The following TRIM2 variants were observed in gnomAD, a reference collection of about 807,000 sequenced individuals.
The protein encoded by TRIM2 is tripartite motif containing 2.
TRIM2 carries 20 observed loss-of-function variants against 75.2 expected under a neutral mutation model. The ratio of observed to expected loss-of-function variants is 0.27; its 90% confidence interval spans 0.19 to 0.39. The LOEUF is 0.39. TRIM2 is among the 10% of genes least tolerant of loss of function. The pLI, the probability that TRIM2 is intolerant of heterozygous loss-of-function variation, is 1.00. For missense variants in TRIM2, 660 were observed against 990.8 expected (o/e 0.67, Z 4.48); for synonymous variants, 373 against 388.3 (o/e 0.96, Z 0.46).
At chr4:153,204,811 G>T (rs988889799) in intron 1 of TRIM2, among the ~76,000 whole-genome samples, 6 of 152,156 alleles carry the variant, frequency 3.9e-5, no homozygotes, top group African/African-American at 1.4e-4. Flanking sequence ...AAAGCAACAT[G>T]AATGTGGCAA....
chr4:153,324,307 C>T (rs1769664228), intron 10 of TRIM2, 159 bp downstream of exon 10: 8 of 523,236 alleles, frequency 1.5e-5, no homozygotes, highest in Non-Finnish European at 2.6e-5. Context: ...CTTGGACTTA[C>T]AGACCTTGGA....
chr4:153,285,938 A>G (rs572388835), intron 3 of TRIM2, among the ~76,000 whole-genome samples: 1 of 152,272 alleles, frequency 6.6e-6, no homozygotes, highest in African/African-American at 2.4e-5. Flanking sequence ...ATAAGAGTGA[A>G]TATCCTCTTG....
At chr4:153,308,035 T>G in intron 6 of TRIM2, 1 of 775,830 alleles carries the variant, frequency 1.3e-6, no homozygotes, top group African/African-American at 1.7e-5. Context: ...TCTTTCTTGA[T>G]GCTCTCCAAC....
At chr4:153,209,095 G>A (rs1478509568) in intron 1 of TRIM2, among the ~76,000 whole-genome samples, 11 of 152,166 alleles carry the variant, frequency 7.2e-5, no homozygotes, top group Non-Finnish European at 1.5e-4. Context: ...CTAACACAGC[G>A]GAATCAGGAA....
chr4:153,314,288 C>T (rs553392838), intron 6 of TRIM2, among the ~76,000 whole-genome samples: 4 of 145,612 alleles, frequency 2.7e-5, no homozygotes, highest in South Asian at 2.1e-4. Flanking sequence ...GGCGTAGTGG[C>T]GGGCGCCTGT....
At chr4:153,239,063 ACT>A (rs1248963183) in intron 1 of TRIM2, among the ~76,000 whole-genome samples, 1 of 152,014 alleles carries the variant, frequency 6.6e-6, no homozygotes, top group Non-Finnish European at 1.5e-5. Flanking sequence ...TTAGAAAATA[ACT>A]CTGGCGGCCG....
chr4:153,185,373 C>G (rs1454967792), intron 1 of TRIM2, among the ~76,000 whole-genome samples: 1 of 152,108 alleles, frequency 6.6e-6, no homozygotes, highest in East Asian at 1.9e-4. Flanking sequence ...TTTTGATTTT[C>G]ACTGCATTGG....
At chr4:153,313,425 C>T (rs1382380432) in intron 6 of TRIM2, among the ~76,000 whole-genome samples, 3 of 152,048 alleles carry the variant, frequency 2.0e-5, no homozygotes, top group African/African-American at 7.3e-5. Flanking sequence ...TATGATGATT[C>T]TGCCCAGCAA....
At chr4:153,285,382 T>G (rs1009209963) in intron 3 of TRIM2, among the ~76,000 whole-genome samples, 2 of 152,230 alleles carry the variant, frequency 1.3e-5, no homozygotes, top group African/African-American at 4.8e-5. Flanking sequence ...TCCTCCAATT[T>G]TGTTCTTTTT....
Position 153,308,685 on chromosome 4 carries a change from T to A in TRIM2, c.1511-6800T>A, listed in dbSNP as rs11945270. 509 of 568,090 alleles carry A rather than the reference T, an allele frequency of 9.0e-4. 1 individual carries two copies. The highest frequency in any genetic ancestry group is 8.5e-3 in the African/African-American group (453 of 53,104). 35.2% of individuals were successfully genotyped at this position (568,090 alleles called of 1,614,324 possible). The stretch of plus-strand genomic sequence containing the variant: ...CATCAAATTTGGTGTAGGCTTTGAC[T>A]GACCCAAATGCACTTGGGAGTGTAG... On this transcript the variant is annotated intron_variant, in intron 6 of 11. Transcript: ENST00000338700.
At chr4:153,214,157 T>C in intron 1 of TRIM2, among the ~76,000 whole-genome samples, 1 of 152,354 alleles carries the variant, frequency 6.6e-6, no homozygotes, top group East Asian at 1.9e-4. Context: ...TAAAAGGTTT[T>C]TGATACATCT....
At chr4:153,166,216 G>A (rs1236779314) in intron 1 of TRIM2, among the ~76,000 whole-genome samples, 2 of 151,868 alleles carry the variant, frequency 1.3e-5, no homozygotes. Context: ...TCTACCCCTT[G>A]TATTGTTTCT....
chr4:153,152,959 G>A (rs1405779216), upstream of TRIM2, among the ~76,000 whole-genome samples: 8 of 152,232 alleles, frequency 5.3e-5, no homozygotes, highest in Admixed American at 5.2e-4. Flanking sequence ...TCCCTGCACA[G>A]TCACTTCAGC....
chr4:153,299,842 T>C (rs1341084549), intron 6 of TRIM2, among the ~76,000 whole-genome samples: 1 of 152,088 alleles, frequency 6.6e-6, no homozygotes, highest in African/African-American at 2.4e-5. Context: ...ACCTGTACTC[T>C]CTTTAAAATA....
At chr4:153,285,889 C>T (rs1449732479) in intron 3 of TRIM2, among the ~76,000 whole-genome samples, 2 of 152,040 alleles carry the variant, frequency 1.3e-5, no homozygotes, top group African/African-American at 4.8e-5. Flanking sequence ...TGCCTAAATG[C>T]CCTGGTCAGC....
chr4:153,219,294 GA>G (rs1176624743), intron 1 of TRIM2, among the ~76,000 whole-genome samples: 2 of 152,074 alleles, frequency 1.3e-5, no homozygotes, highest in African/African-American at 4.8e-5. Flanking sequence ...CGATCCGCCA[GA>G]AAAAAACCTA....
intron 1 of TRIM2, among the ~76,000 whole-genome samples, chr4:153,171,608 A>AT (rs1402641797): frequency 6.8e-6 from 1 of 147,868 alleles, no homozygotes; most frequent in African/African-American, 2.5e-5. Flanking sequence ...CAAAACAAAA[A>AT]AATATATATA....
chr4:153,201,019 A>G (rs1161327240), upstream of TRIM2, among the ~76,000 whole-genome samples: 9 of 151,690 alleles, frequency 5.9e-5, no homozygotes, highest in South Asian at 6.3e-4. Flanking sequence ...GCTGGAGTGC[A>G]GTGGCATGAT....
At chr4:153,244,363 CTTCTTCTTCT>C (rs1748142463) in intron 1 of TRIM2, among the ~76,000 whole-genome samples, 1 of 36,372 alleles carries the variant, frequency 2.7e-5, no homozygotes, top group Non-Finnish European at 4.4e-5. Flanking sequence ...TCCTCTTCTT[CTTCTTCTTCT>C]TCTTCTTCTT....
Sources: gnomAD v4.1 joint callset for allele counts (sites outside exome capture counted in the v4.1 genomes callset) on GRCh38, gnomAD v4.1.1 for gene constraint, MANE v1.5 for transcripts, NCBI Gene and HGNC (gene_info 2026-07-23, HGNC 2026-07-21) for gene names.